Variants in VPS35 observed in about 807,000 individuals in gnomAD.
The protein encoded by VPS35 is vacuolar protein sorting-associated protein 35.
VPS35 carries 21 observed loss-of-function variants against 98.1 expected under a neutral mutation model. The ratio of observed to expected loss-of-function variants is 0.21; its 90% confidence interval spans 0.15 to 0.31. The LOEUF (loss-of-function observed/expected upper bound fraction) is 0.31, where lower values mean the gene tolerates loss of function less well. Among genes scored for constraint, VPS35 ranks in the 10% least tolerant of loss-of-function variants. VPS35 has a pLI of 1.00. For synonymous variants in VPS35, 268 were observed against 318.2 expected (o/e 0.84, Z 1.68); for missense variants, 554 against 950.8 (o/e 0.58, Z 5.49).
At chr16:46,687,887 T>C (rs1966345957) in intron 1 of VPS35, among the ~76,000 whole-genome samples, 1 of 152,140 alleles carries the variant, frequency 6.6e-6, no homozygotes, top group Non-Finnish European at 1.5e-5. Context: ...CAAGACTGTG[T>C]GTCTGGCTGA....
rs1182777844 is a variant in VPS35, at chr16:46,660,427, C to G, written c.*45G>C. 6.8e-6 allele frequency: 11 copies of G among 1,607,762 alleles called. No homozygotes were observed. The highest frequency in any genetic ancestry group is 9.3e-6 in the Non-Finnish European group (11 of 1,178,276). ...AAGGGAAACCTAGCGTAATAAAACCCTCACTGGATGTACATGGAAAGGAGT... is the reference window on the plus strand; with the variant it reads ...AAGGGAAACCTAGCGTAATAAAACCGTCACTGGATGTACATGGAAAGGAGT... On this transcript the variant is annotated 3_prime_UTR_variant, in exon 17 of 17. Coordinates refer to ENST00000299138, the MANE Select transcript of VPS35 (RefSeq NM_018206.6).
intron 13 of VPS35, among the ~76,000 whole-genome samples, 187 bp downstream of exon 13, chr16:46,668,743 C>G (rs988151591): frequency 6.6e-6 from 1 of 152,154 alleles, no homozygotes; most frequent in Non-Finnish European, 1.5e-5. Context: ...TGTGATCCAC[C>G]ACCATCACCG....
chr16:46,681,976 G>A, intron 3 of VPS35, 103 bp downstream of exon 3: 1 of 859,704 alleles, frequency 1.2e-6, no homozygotes, highest in Non-Finnish European at 1.9e-6. Flanking sequence ...AGATAACGAA[G>A]AATAAGATAA....
chr16:46,686,052 C>T (rs1966307003), intron 1 of VPS35, among the ~76,000 whole-genome samples: 1 of 152,104 alleles, frequency 6.6e-6, no homozygotes, highest in Non-Finnish European at 1.5e-5. Flanking sequence ...ATTAAACTCC[C>T]ATTCCGAACC....
At chr16:46,669,282 ATAACCTGCCCAAGG>A in intron 12 of VPS35, 1 of 565,620 alleles carries the variant, frequency 1.8e-6, no homozygotes, top group East Asian at 3.3e-5. Flanking sequence ...GAGAGGTTGT[ATAACCTGCCCAAGG>A]TAGCGAGTTA....
intron 1 of VPS35, chr16:46,688,239 C>G (rs767498700): frequency 1.1e-6 from 1 of 881,410 alleles, no homozygotes; most frequent in Non-Finnish European, 1.4e-6. Flanking sequence ...AGCGGACATA[C>G]AGTATATACT....
At chr16:46,669,677 AAAAAGAAAAAAG>A (rs1567264890) in intron 12 of VPS35, among the ~76,000 whole-genome samples, 1 of 150,942 alleles carries the variant, frequency 6.6e-6, no homozygotes, top group Non-Finnish European at 1.5e-5. Flanking sequence ...AAAAAAAAAA[AAAAAGAAAAAAG>A]AAAAGAGAAA....
At position 46,689,173 on chromosome 16, in the gene VPS35, G is replaced by A. The variant is rs1389400919; in HGVS notation, c.-40C>T. 3.1e-6 allele frequency: 5 copies of A among 1,601,914 alleles called. No homozygotes were observed. Among genetic ancestry groups the A allele is most frequent in the Middle Eastern group, 1.7e-4 (1 of 5,980 alleles). ...GCCTGCAGCAAGCAGCACCCGCCCCGCGCGTAGCCTCCCGCGGTCATGTGA... is the reference window on the plus strand; with the variant it reads ...GCCTGCAGCAAGCAGCACCCGCCCCACGCGTAGCCTCCCGCGGTCATGTGA... On this transcript the variant is annotated 5_prime_UTR_variant, in exon 1 of 17. Transcript: ENST00000299138.
intron 2 of VPS35, 96 bp from the exon 3 acceptor site, chr16:46,682,271 G>T: frequency 7.3e-6 from 7 of 960,248 alleles, no homozygotes; most frequent in Non-Finnish European, 1.1e-5. Context: ...TTGTTACATA[G>T]TTTTAAAAGA....
chr16:46,661,528 C>T lies in VPS35; in HGVS notation c.2211+190G>A, dbSNP rs1005410999. On this transcript the variant is annotated intron_variant, in intron 16 of 16. Transcript: ENST00000299138. The surrounding 1 kb of genome is among the most constrained non-coding windows in gnomAD (Gnocchi z 4.3). ...TACAGGCATGAGCCACCACGCCCAGCCTAGGAATTATCTTAAACTAGAACA... is the reference window on the plus strand; with the variant it reads ...TACAGGCATGAGCCACCACGCCCAGTCTAGGAATTATCTTAAACTAGAACA... The T allele has an allele frequency of 3.4e-6, 2 of 595,978 alleles. No homozygotes were observed. The highest frequency in any genetic ancestry group is 5.5e-6 in the Non-Finnish European group (2 of 362,096). The allele number at this position is 595,978 out of a possible 1,614,324, so 36.9% of individuals were successfully genotyped here.
At chr16:46,672,953 C>G (rs1966090133) in intron 10 of VPS35, among the ~76,000 whole-genome samples, 1 of 152,134 alleles carries the variant, frequency 6.6e-6, no homozygotes, top group Non-Finnish European at 1.5e-5. Flanking sequence ...AGCAGGCTGA[C>G]TGACTTTTAC....
rs188654478 is a variant in VPS35, at chr16:46,660,464, T to C, written c.*8A>G. 2.5e-6 allele frequency: 4 copies of C among 1,613,432 alleles called. No homozygotes were observed. The highest frequency in any genetic ancestry group is 1.3e-5 in the African/African-American group (1 of 74,910). On this transcript the variant is annotated 3_prime_UTR_variant, in exon 17 of 17. Transcript: ENST00000299138. ...ACATGGAAAGGAGTATGGTGAGCTA[T>C]TTCCTTTTTAAAGGATGAGACCTTC...
intron 12 of VPS35, among the ~76,000 whole-genome samples, chr16:46,670,045 T>C (rs536801279): frequency 4.9e-4 from 74 of 152,228 alleles, no homozygotes; most frequent in Non-Finnish European, 8.1e-4. Context: ...AATTCTGTGT[T>C]TTTCTTGGAT....
Position 46,662,229 on chromosome 16 carries a change from A to C in VPS35, c.2067+14T>G. On this transcript the variant is annotated intron_variant, in intron 15 of 16. Transcript: ENST00000299138. Reference sequence around the variant, plus strand: ...GGATCCTGTCTGCTATCATGCAGTCAGGAATGACCTTACCTCCTCCCCATT... The same window carrying C: ...GGATCCTGTCTGCTATCATGCAGTCCGGAATGACCTTACCTCCTCCCCATT... 1.2e-6 allele frequency: 2 copies of C among 1,614,182 alleles called. No homozygotes were observed. Among genetic ancestry groups the C allele is most frequent in the Non-Finnish European group, 1.7e-6 (2 of 1,180,034 alleles).
chr16:46,677,031 T>G (rs1461537270), intron 7 of VPS35, among the ~76,000 whole-genome samples: 1 of 151,508 alleles, frequency 6.6e-6, no homozygotes, highest in Non-Finnish European at 1.5e-5. Context: ...GAAGCAAGAT[T>G]ACATGAAAAA....
In VPS35 at chr16:46,674,343, C is replaced by G; in HGVS notation, c.1131G>C (p.Val377=). ...CAAGGTTGAGCTTATTGAATATCTC[C>G]ACTGTTGTTTCTAGAACTTTATCAA... ...DYVDKVLETT[V]EIFNKLNLEH... is the part of the protein sequence containing the mutation. Residue 377 remains valine, a synonymous_variant, in exon 10 of 17, where the codon GTG becomes GTC. Transcript: ENST00000299138. The G allele has an allele frequency of 6.2e-7, 1 of 1,614,030 alleles. No individual in the cohort carries two copies. Among genetic ancestry groups the G allele is most frequent in the Non-Finnish European group, 8.5e-7 (1 of 1,179,988 alleles).
intron 8 of VPS35, among the ~76,000 whole-genome samples, chr16:46,675,634 A>C (rs532483003): frequency 6.6e-6 from 1 of 152,304 alleles, no homozygotes; most frequent in East Asian, 1.9e-4. Flanking sequence ...CAGACTTTAA[A>C]ACTAATAACT....
intron 14 of VPS35, 86 bp downstream of exon 14, chr16:46,662,897 A>C: frequency 1.4e-6 from 2 of 1,469,804 alleles, no homozygotes; most frequent in Non-Finnish European, 1.9e-6. Context: ...AGAAGAGTAA[A>C]TTCATGTGCA....
At chr16:46,678,642 G>A (rs1212848007) in intron 6 of VPS35, among the ~76,000 whole-genome samples, 1 of 152,088 alleles carries the variant, frequency 6.6e-6, no homozygotes, top group Non-Finnish European at 1.5e-5. Context: ...GCTGTTCCAG[G>A]TTCTTTGTTT....
Sources: allele counts gnomAD v4.1 joint callset (sites outside exome capture counted in the v4.1 genomes callset), GRCh38; gene constraint gnomAD v4.1.1; non-coding constraint Gnocchi (gnomAD v3.1); transcripts MANE v1.5; gene names NCBI Gene and HGNC (gene_info 2026-07-23, HGNC 2026-07-21).